Variants in PREX1 observed in about 807,000 individuals in gnomAD.
PREX1 encodes the protein phosphatidylinositol 3,4,5-trisphosphate-dependent Rac exchanger 1 protein.
Under a neutral mutation model 198.3 loss-of-function variants are expected in PREX1, and 41 were observed. That is an observed-to-expected ratio of 0.21 (90% CI 0.16 to 0.27). The LOEUF is 0.27. Among genes scored for constraint, PREX1 ranks in the 10% least tolerant of loss-of-function variants. PREX1 has a pLI of 1.00. For synonymous variants in PREX1, 843 were observed against 887.2 expected (o/e 0.95, Z 0.89); for missense variants, 1,620 against 2,200.7 (o/e 0.74, Z 5.28).
intron 14 of PREX1, among the ~76,000 whole-genome samples, chr20:48,674,492 C>T (rs2089695537): frequency 6.6e-6 from 1 of 152,220 alleles, no homozygotes; most frequent in South Asian, 2.1e-4. Context: ...TCACAGGTTT[C>T]TTCTCATCTT....
intron 5 of PREX1, among the ~76,000 whole-genome samples, chr20:48,722,056 C>T (rs145534135): frequency 3.3e-5 from 5 of 152,214 alleles, no homozygotes; most frequent in African/African-American, 9.6e-5. Flanking sequence ...CTCAACGGGC[C>T]GGAAGACAAG....
chr20:48,753,898 G>A (rs1205795610), intron 1 of PREX1, among the ~76,000 whole-genome samples: 5 of 152,154 alleles, frequency 3.3e-5, no homozygotes, highest in African/African-American at 1.2e-4. Context: ...AGACGTCTCC[G>A]CTATTGGCTG....
intron 25 of PREX1, among the ~76,000 whole-genome samples, chr20:48,648,768 C>T (rs907106828): frequency 6.6e-6 from 1 of 152,174 alleles, no homozygotes; most frequent in Non-Finnish European, 1.5e-5. Context: ...TGGCCGGATG[C>T]CTCCCCAAGG....
At chr20:48,826,714 C>T (rs975337468) in intron 1 of PREX1, among the ~76,000 whole-genome samples, 1 of 152,064 alleles carries the variant, frequency 6.6e-6, no homozygotes, top group Non-Finnish European at 1.5e-5. Flanking sequence ...AATTAGTCGG[C>T]CGTGGTGGCT....
chr20:48,869,488 C>T, the PREX1 span, among the ~76,000 whole-genome samples: 65 of 152,086 alleles, frequency 4.3e-4, no homozygotes, highest in East Asian at 0.01. Flanking sequence ...TGATTTAACC[C>T]ACCCCCATTT....
chr20:48,761,631 G>A (rs2090180850), intron 1 of PREX1, among the ~76,000 whole-genome samples: 2 of 152,112 alleles, frequency 1.3e-5, no homozygotes, highest in Admixed American at 1.3e-4. Context: ...AGGCAGTGGG[G>A]GACACTGAGA....
At chr20:48,879,394 A>C in the PREX1 span, among the ~76,000 whole-genome samples, 1 of 152,098 alleles carries the variant, frequency 6.6e-6, no homozygotes, top group Non-Finnish European at 1.5e-5. Flanking sequence ...TTATTTAAAT[A>C]CTGAAATACA....
chr20:48,809,656 G>A (rs1449827016), intron 1 of PREX1, among the ~76,000 whole-genome samples: 2 of 152,170 alleles, frequency 1.3e-5, no homozygotes, highest in African/African-American at 2.4e-5. Flanking sequence ...AGGGAGAAAC[G>A]AGGCCAGGGG....
At chr20:48,649,722 C>G in intron 24 of PREX1, 146 bp from the exon 25 acceptor site, 1 of 1,097,564 alleles carries the variant, frequency 9.1e-7, no homozygotes, top group Non-Finnish European at 1.3e-6. Context: ...TCAGTTACTT[C>G]AAGAAGACTG....
the PREX1 span, among the ~76,000 whole-genome samples, chr20:48,867,924 G>A: frequency 6.7e-6 from 1 of 149,338 alleles, no homozygotes; most frequent in South Asian, 2.1e-4. Flanking sequence ...GCCCAGGCTG[G>A]TCTGGAAGTC....
At chr20:48,654,142 G>C (rs151092990) in intron 19 of PREX1, among the ~76,000 whole-genome samples, 19 of 152,156 alleles carry the variant, frequency 1.2e-4, no homozygotes, top group African/African-American at 4.3e-4. Context: ...TGGAACCTTC[G>C]GCAAGTCCCT....
intron 5 of PREX1, among the ~76,000 whole-genome samples, chr20:48,718,150 G>T (rs6090894): frequency 0.57 from 87,290 of 152,088 alleles, 26,847 homozygotes; most frequent in African/African-American, 0.81. Flanking sequence ...TGACCCTAGG[G>T]TGGTAGGTCT....
intron 6 of PREX1, among the ~76,000 whole-genome samples, chr20:48,705,879 A>G (rs1568832824): frequency 6.6e-6 from 1 of 152,228 alleles, no homozygotes; most frequent in East Asian, 1.9e-4. Context: ...AAGGCACACC[A>G]GGCAGGACAA....
Position 48,659,361 on chromosome 20 carries a change from G to A in PREX1, c.1881+558C>T, listed in dbSNP as rs370829587. 3.5e-5 allele frequency among the ~76,000 whole-genome samples: 5 copies of A among 144,724 alleles called. No homozygotes were observed. The South Asian group carries it at 1.2e-3, about 34-fold the overall frequency. The allele number at this position is 144,724 out of a possible 152,430, so 94.9% of individuals were successfully genotyped here. On this transcript the variant is annotated intron_variant, in intron 16 of 39. Transcript: ENST00000371941. ...GAGGAAGGGAGGGAAAGAGGAAAGA[G>A]AGAAGGGGAGGGGAGGGGAGTGAGA...
chr20:48,819,685 G>C (rs1306318318), intron 1 of PREX1, among the ~76,000 whole-genome samples: 2 of 152,218 alleles, frequency 1.3e-5, no homozygotes, highest in Non-Finnish European at 2.9e-5. Flanking sequence ...CAAGGCCTCA[G>C]TGGGTGTCCT....
At chr20:48,856,791 A>G in the PREX1 span, among the ~76,000 whole-genome samples, 1 of 152,216 alleles carries the variant, frequency 6.6e-6, no homozygotes, top group Non-Finnish European at 1.5e-5. Context: ...GCCCTCAGCA[A>G]GTGACTTCTC....
chr20:48,841,682 G>C, the PREX1 span, among the ~76,000 whole-genome samples: 1 of 152,338 alleles, frequency 6.6e-6, no homozygotes, highest in Non-Finnish European at 1.5e-5. Context: ...AACCCAGGCA[G>C]AGACCAATCA....
chr20:48,837,057 C>T, the PREX1 span, among the ~76,000 whole-genome samples: 1 of 152,066 alleles, frequency 6.6e-6, no homozygotes, highest in Non-Finnish European at 1.5e-5. Flanking sequence ...AAATGTGAAA[C>T]TGAAGCATAG....
chr20:48,814,294 T>C (rs1405399466), intron 1 of PREX1, among the ~76,000 whole-genome samples: 1 of 152,246 alleles, frequency 6.6e-6, no homozygotes, highest in Non-Finnish European at 1.5e-5. Flanking sequence ...TGTGACCTCA[T>C]GCAACTTACA....
Sources: allele counts gnomAD v4.1 joint callset (sites outside exome capture counted in the v4.1 genomes callset), GRCh38; gene constraint gnomAD v4.1.1; transcripts MANE v1.5; gene names NCBI Gene and HGNC (gene_info 2026-07-23, HGNC 2026-07-21).